The following ULK4 variants were observed in gnomAD, a reference collection of about 807,000 sequenced individuals.
The protein encoded by ULK4 is unc-51 like kinase 4.
Under a neutral mutation model 160.6 loss-of-function variants are expected in ULK4, and 133 were observed. The observed-to-expected ratio is 0.83, with a 90% CI of 0.72 to 0.96. The LOEUF is 0.96. Ranked by LOEUF, ULK4 falls within the 40% of genes least tolerant of loss-of-function variation. The pLI is 0.00. For missense variants in ULK4, 1,580 were observed against 1,499.5 expected (o/e 1.05, Z -0.89); for synonymous variants, 534 against 539.8 (o/e 0.99, Z 0.15).
intron 34 of ULK4, among the ~76,000 whole-genome samples, chr3:41,430,830 A>T (rs915208488): frequency 1.3e-5 from 2 of 152,150 alleles, no homozygotes; most frequent in African/African-American, 2.4e-5. Context: ...TATCCACATT[A>T]TTAAATATCC....
At chr3:41,632,826 T>C (rs549865453) in intron 30 of ULK4, among the ~76,000 whole-genome samples, 1 of 151,956 alleles carries the variant, frequency 6.6e-6, no homozygotes, top group South Asian at 2.1e-4. Flanking sequence ...ACCAGTTAAG[T>C]GGCAAGTAGA....
At chr3:41,300,787 G>C (rs1274500753) in intron 35 of ULK4, among the ~76,000 whole-genome samples, 1 of 139,708 alleles carries the variant, frequency 7.2e-6, no homozygotes, top group African/African-American at 2.8e-5. Flanking sequence ...GTTTACAAAA[G>C]AGTTAATTTT....
chr3:41,828,156 A>G (rs1407725460), intron 18 of ULK4, among the ~76,000 whole-genome samples: 2 of 146,302 alleles, frequency 1.4e-5, no homozygotes, highest in Non-Finnish European at 3.0e-5. Context: ...TCTCAAAATA[A>G]TAAGAGCTAT....
chr3:41,411,090 T>G (rs1322875390), intron 34 of ULK4, among the ~76,000 whole-genome samples: 1 of 152,206 alleles, frequency 6.6e-6, no homozygotes, highest in African/African-American at 2.4e-5. Flanking sequence ...AAAAAGTATT[T>G]GACAATATCC....
Position 41,580,483 on chromosome 3 carries a change from G to A in ULK4, c.3121-14353C>T, listed in dbSNP as rs557555827. On this transcript the variant is annotated intron_variant, in intron 31 of 36. Transcript: ENST00000301831. ...TACTCTGTGGTTCAACACAATGTAG[G>A]CTCTACTACATCAGGGCTAGGGACA... Among the ~76,000 whole-genome samples, 5 of 151,876 alleles carry A rather than the reference G, an allele frequency of 3.3e-5. 1 individual carries two copies. The highest frequency in any genetic ancestry group is 1.2e-4 in the African/African-American group (5 of 41,406).
Position 41,953,304 on chromosome 3 carries a change from A to ATTT in ULK4, c.138+1315_138+1317dup, listed in dbSNP as rs60007502. Reference sequence around the variant, plus strand: ...TATACACATATATATATATATATATATTTTTTTTTTTTTTTGAGATGGAGT... The same window carrying ATTT: ...TATACACATATATATATATATATATATTTTTTTTTTTTTTTTTTGAGATGGAGT... On this transcript the variant is annotated intron_variant, in intron 2 of 36. Transcript: ENST00000301831. 5.9e-4 allele frequency among the ~76,000 whole-genome samples: 74 copies of ATTT among 124,796 alleles called. 1 individual carries two copies. The highest frequency in any genetic ancestry group is 4.5e-3 in the Middle Eastern group (1 of 222). 81.9% of individuals were successfully genotyped at this position (124,796 alleles called of 152,430 possible). A position where few individuals can be genotyped will look rare whatever the true frequency, so the allele number is the denominator to read the frequency against.
intron 35 of ULK4, among the ~76,000 whole-genome samples, chr3:41,313,662 T>A (rs767204284): frequency 6.6e-6 from 1 of 152,224 alleles, no homozygotes; most frequent in Non-Finnish European, 1.5e-5. Flanking sequence ...ATGATAAAAA[T>A]TTATCTCTAG....
At chr3:41,860,078 AT>A (rs1446425567) in intron 17 of ULK4, among the ~76,000 whole-genome samples, 2 of 152,076 alleles carry the variant, frequency 1.3e-5, no homozygotes, top group Non-Finnish European at 2.9e-5. Context: ...GTTTTAATCC[AT>A]AGTGGTCAGA....
intron 33 of ULK4, among the ~76,000 whole-genome samples, chr3:41,457,966 TAAA>T (rs2083593936): frequency 6.6e-6 from 1 of 152,156 alleles, no homozygotes; most frequent in African/African-American, 2.4e-5. Context: ...ATGTTTATGG[TAAA>T]ATCTACATGA....
intron 34 of ULK4, among the ~76,000 whole-genome samples, chr3:41,412,569 T>C (rs2082430684): frequency 7.0e-6 from 1 of 143,574 alleles, no homozygotes; most frequent in Non-Finnish European, 1.5e-5. Flanking sequence ...TTTTTTTTTT[T>C]TTTTTTTTTG....
At chr3:41,732,592 T>C (rs1398868899) in intron 22 of ULK4, among the ~76,000 whole-genome samples, 1 of 152,120 alleles carries the variant, frequency 6.6e-6, no homozygotes, top group Non-Finnish European at 1.5e-5. Context: ...AGAACTACCA[T>C]ATAATCAAGC....
At chr3:41,563,135 T>C (rs528466025) in intron 32 of ULK4, among the ~76,000 whole-genome samples, 4 of 152,312 alleles carry the variant, frequency 2.6e-5, no homozygotes, top group African/African-American at 4.8e-5. Flanking sequence ...TTTGGCCAGA[T>C]AGGAAATTCT....
chr3:41,480,958 C>T (rs1325994741), intron 32 of ULK4, among the ~76,000 whole-genome samples: 1 of 152,168 alleles, frequency 6.6e-6, no homozygotes, highest in Non-Finnish European at 1.5e-5. Flanking sequence ...CACCAGGTCC[C>T]TCCCATGACA....
chr3:41,637,669 A>G (rs1349969011), intron 30 of ULK4, among the ~76,000 whole-genome samples: 1 of 152,156 alleles, frequency 6.6e-6, no homozygotes, highest in Admixed American at 6.5e-5. Context: ...AATGTGTAAG[A>G]GTTCCCTTTT....
intron 12 of ULK4, among the ~76,000 whole-genome samples, chr3:41,906,723 G>A (rs1698576313): frequency 1.3e-5 from 2 of 152,080 alleles, no homozygotes; most frequent in Admixed American, 6.6e-5. Context: ...GGCCGGGCAC[G>A]GTGGCTCACG....
At chr3:41,939,390 C>T (rs1188955791) in intron 2 of ULK4, among the ~76,000 whole-genome samples, 3 of 152,078 alleles carry the variant, frequency 2.0e-5, no homozygotes, top group Non-Finnish European at 2.9e-5. Flanking sequence ...GAACTCCTGA[C>T]CTCAAGTGAT....
chr3:41,444,991 A>G (rs1261198956), intron 34 of ULK4, among the ~76,000 whole-genome samples: 2 of 152,168 alleles, frequency 1.3e-5, no homozygotes, highest in Non-Finnish European at 2.9e-5. Flanking sequence ...CTCAGCCCAA[A>G]ATCTCCTTAA....
intron 34 of ULK4, among the ~76,000 whole-genome samples, chr3:41,408,382 C>T (rs1049786497): frequency 5.7e-5 from 8 of 139,610 alleles, no homozygotes; most frequent in African/African-American, 1.4e-4. Flanking sequence ...GAGCCGAGAT[C>T]GCACCACTGC....
intron 18 of ULK4, among the ~76,000 whole-genome samples, chr3:41,830,464 G>A (rs2125645912): frequency 6.6e-6 from 1 of 152,038 alleles, no homozygotes; most frequent in African/African-American, 2.4e-5. Context: ...GATTAAAAAG[G>A]GTGCTAAGGA....
Sources: allele counts gnomAD v4.1 joint callset (sites outside exome capture counted in the v4.1 genomes callset), GRCh38; gene constraint gnomAD v4.1.1; transcripts MANE v1.5; gene names NCBI Gene and HGNC (gene_info 2026-07-23, HGNC 2026-07-21).